The following NALF1 variants were observed in gnomAD, a reference collection of about 807,000 sequenced individuals.
The protein encoded by NALF1 is family with sequence similarity 155 member A.
Under a neutral mutation model 48.4 loss-of-function variants are expected in NALF1, and 3 were observed. The ratio of observed to expected loss-of-function variants is 0.06; its 90% CI spans 0.03 to 0.16. The LOEUF (loss-of-function observed/expected upper bound fraction) is 0.16. NALF1 is among the 10% of genes least tolerant of loss of function. The probability of loss-of-function intolerance (pLI) is 1.00; values close to 1 mark genes in which losing one functional copy is unlikely to be tolerated. For missense variants in NALF1, 526 were observed against 571.5 expected, an observed-to-expected ratio of 0.92 and a Z score of 0.81; for synonymous variants, 262 against 245.7, an observed-to-expected ratio of 1.07 and a Z score of -0.62.
At chr13:107,182,160 GTTTC>G (rs1879076531) in intron 2 of NALF1, among the ~76,000 whole-genome samples, 1 of 151,636 alleles carries the variant, frequency 6.6e-6, no homozygotes, top group Admixed American at 6.6e-5. Flanking sequence ...ATCTGAAAAT[GTTTC>G]TTTACCATTC....
intron 1 of NALF1, among the ~76,000 whole-genome samples, chr13:107,812,245 T>C (rs1003951565): frequency 6.6e-6 from 1 of 152,166 alleles, no homozygotes; most frequent in African/African-American, 2.4e-5. Context: ...TTCATTTTCA[T>C]GAAGAAAGTA....
intron 1 of NALF1, among the ~76,000 whole-genome samples, chr13:107,618,972 T>C (rs1407985331): frequency 1.3e-5 from 2 of 152,222 alleles, no homozygotes; most frequent in Non-Finnish European, 2.9e-5. Context: ...ATCCTCACTA[T>C]CCAATATCAG....
chr13:107,273,456 G>C (rs1239077892), intron 1 of NALF1, among the ~76,000 whole-genome samples: 1 of 152,114 alleles, frequency 6.6e-6, no homozygotes, highest in East Asian at 1.9e-4. Flanking sequence ...CTAGCATAGA[G>C]GAGGAAAAAT....
At chr13:107,262,113 A>G (rs11838931) in intron 1 of NALF1, among the ~76,000 whole-genome samples, 2,832 of 152,308 alleles carry the variant, frequency 0.019, 91 homozygotes, top group African/African-American at 0.065. Flanking sequence ...AAAACAAGCT[A>G]TCATGAACAG....
At chr13:107,631,441 C>A (rs777156522) in intron 1 of NALF1, among the ~76,000 whole-genome samples, 1 of 152,092 alleles carries the variant, frequency 6.6e-6, no homozygotes, top group Non-Finnish European at 1.5e-5. Context: ...TTTATGACAG[C>A]AGCTAAATGA....
chr13:107,290,978 A>G (rs1881609688), intron 1 of NALF1, among the ~76,000 whole-genome samples: 1 of 152,002 alleles, frequency 6.6e-6, no homozygotes, highest in Admixed American at 6.6e-5. Flanking sequence ...TCCTCACTTG[A>G]GACTGTGAGG....
chr13:107,304,442 G>T (rs1881897870), intron 1 of NALF1, among the ~76,000 whole-genome samples: 1 of 152,176 alleles, frequency 6.6e-6, no homozygotes, highest in Non-Finnish European at 1.5e-5. Context: ...TTCCTTTAAA[G>T]AACTTGGATG....
chr13:107,638,201 A>ATATATATATATACGTATG (rs372122331), intron 1 of NALF1, among the ~76,000 whole-genome samples: 2 of 110,832 alleles, frequency 1.8e-5, no homozygotes, highest in African/African-American at 5.7e-5. Context: ...ATATATATAT[A>ATATATATATATACGTATG]TATATAATTT....
chr13:107,730,529 C>T (rs1168255266), intron 1 of NALF1, among the ~76,000 whole-genome samples: 3 of 152,138 alleles, frequency 2.0e-5, no homozygotes, highest in Non-Finnish European at 4.4e-5. Flanking sequence ...TGGCTGGAAT[C>T]GAAATGAGTC....
chr13:107,855,725 G>A (rs1271271827), intron 1 of NALF1, among the ~76,000 whole-genome samples: 1 of 152,100 alleles, frequency 6.6e-6, no homozygotes, highest in African/African-American at 2.4e-5. Flanking sequence ...TTTGAATTCT[G>A]GATGTGCCAT....
intron 1 of NALF1, among the ~76,000 whole-genome samples, chr13:107,793,963 C>T (rs1957712330): frequency 6.6e-6 from 1 of 152,118 alleles, no homozygotes; most frequent in Non-Finnish European, 1.5e-5. Context: ...TGAGATCAAG[C>T]ACCCTCAGGA....
At chr13:107,766,908 C>A (rs1183722034) in intron 1 of NALF1, among the ~76,000 whole-genome samples, 1 of 152,028 alleles carries the variant, frequency 6.6e-6, no homozygotes, top group African/African-American at 2.4e-5. Flanking sequence ...ATGTTAAAAA[C>A]AAAGCCTAAA....
chr13:107,170,282 G>C lies in NALF1; in HGVS notation c.*215C>G. On this transcript the variant is annotated 3_prime_UTR_variant, in exon 3 of 3. Transcript: ENST00000375915. Reference sequence around the variant, plus strand: ...ACATTAAAACACAGTGTATAAAATGGTGTGAGAAATTTAAAGTCACTTTCC... The same window carrying C: ...ACATTAAAACACAGTGTATAAAATGCTGTGAGAAATTTAAAGTCACTTTCC... The C allele has an allele frequency of 5.8e-6, 3 of 514,072 alleles. No homozygotes were observed. Among genetic ancestry groups the C allele is most frequent in the Non-Finnish European group, 1.0e-5 (3 of 289,924 alleles). 31.8% of individuals were successfully genotyped at this position (514,072 alleles called of 1,614,324 possible).
intron 1 of NALF1, among the ~76,000 whole-genome samples, chr13:107,802,571 T>C (rs1340816369): frequency 6.6e-6 from 1 of 151,986 alleles, no homozygotes; most frequent in Non-Finnish European, 1.5e-5. Flanking sequence ...CCATCAATCA[T>C]TTAAAATTTA....
intron 1 of NALF1, among the ~76,000 whole-genome samples, chr13:107,212,268 G>T (rs1401548328): frequency 6.6e-6 from 1 of 152,292 alleles, no homozygotes; most frequent in Non-Finnish European, 1.5e-5. Context: ...CTTTTAAATG[G>T]CCAAAAGTAA....
intron 1 of NALF1, among the ~76,000 whole-genome samples, chr13:107,817,106 C>A (rs1879190912): frequency 6.6e-6 from 1 of 151,588 alleles, no homozygotes. Context: ...CTATAAATAA[C>A]CATATCAATA....
intron 1 of NALF1, among the ~76,000 whole-genome samples, chr13:107,774,711 T>A (rs1163393465): frequency 6.6e-6 from 1 of 152,180 alleles, no homozygotes; most frequent in Non-Finnish European, 1.5e-5. Flanking sequence ...GTAGTGGGGA[T>A]GGAAAGTGGA....
chr13:107,458,119 TCTC>T (rs1384425951), intron 1 of NALF1, among the ~76,000 whole-genome samples: 2 of 152,118 alleles, frequency 1.3e-5, no homozygotes, highest in Non-Finnish European at 2.9e-5. Context: ...TCAAAAAACA[TCTC>T]CTTCATGCTA....
At chr13:107,569,432 A>G in intron 1 of NALF1, among the ~76,000 whole-genome samples, 1 of 151,944 alleles carries the variant, frequency 6.6e-6, no homozygotes, top group Non-Finnish European at 1.5e-5. Context: ...AGATGGCGCC[A>G]CCGCACTCCA....
Sources: allele counts gnomAD v4.1 joint callset (sites outside exome capture counted in the v4.1 genomes callset), GRCh38; gene constraint gnomAD v4.1.1; transcripts MANE v1.5; gene names NCBI Gene and HGNC (gene_info 2026-07-23, HGNC 2026-07-21).